The following LYG2 variants were observed in gnomAD, a reference collection of about 807,000 sequenced individuals.
LYG2 encodes the protein lysozyme g2.
In LYG2, 25 loss-of-function variants were observed where a neutral mutation model predicts 22.4. That is an observed-to-expected ratio of 1.12 (90% CI 0.81 to 1.56). The LOEUF (loss-of-function observed/expected upper bound fraction) is 1.56. Among genes scored for constraint, LYG2 ranks in the 40% most tolerant of loss-of-function variants. The pLI is 0.00. For synonymous variants in LYG2, 88 were observed against 97.0 expected, an observed-to-expected ratio of 0.91 and a Z score of 0.55; for missense variants, 266 against 269.5, an observed-to-expected ratio of 0.99 and a Z score of 0.09.
chr2:99,244,164 C>T (rs1329488004), intron 5 of LYG2, 27 bp from the exon 6 acceptor site: 2 of 1,606,794 alleles, frequency 1.2e-6, no homozygotes, highest in South Asian at 2.2e-5. Flanking sequence ...ATAAAGTCAG[C>T]ATCTGGATGA....
intron 3 of LYG2, among the ~76,000 whole-genome samples, chr2:99,252,874 G>A (rs987692446): frequency 4.6e-5 from 7 of 151,912 alleles, no homozygotes; most frequent in South Asian, 2.1e-4. Context: ...GTGAAACCCT[G>A]TCTCTACTAA....
At chr2:99,260,604 A>C (rs1275577588), upstream of LYG2, among the ~76,000 whole-genome samples, 1 of 152,196 alleles carries the variant, frequency 6.6e-6, no homozygotes, top group African/African-American at 2.4e-5. Flanking sequence ...CTGGAGAAGG[A>C]CTTGTGTCAA....
At chr2:99,253,995 A>C (rs943728664) in intron 3 of LYG2, among the ~76,000 whole-genome samples, 2 of 152,172 alleles carry the variant, frequency 1.3e-5, no homozygotes, top group Admixed American at 1.3e-4. Flanking sequence ...CAGATCAATA[A>C]ATATTAGATT....
In LYG2 at chr2:99,254,130, G is replaced by A. The variant is rs545638331; in HGVS notation, c.43+88C>T. ...ATGAGAGCCCACTCTTCCATTACAGGTAATCATTGCTCTTTCTGATTCATG... is the reference window on the plus strand; with the variant it reads ...ATGAGAGCCCACTCTTCCATTACAGATAATCATTGCTCTTTCTGATTCATG... On this transcript the variant is annotated intron_variant, in intron 3 of 6. Transcript: ENST00000333017. 5 of 1,148,060 alleles carry A rather than the reference G, an allele frequency of 4.4e-6. No individual in the cohort carries two copies. In the Admixed American group the frequency reaches 8.5e-5, roughly 19 times the overall value. The allele number at this position is 1,148,060 out of a possible 1,614,324, so 71.1% of individuals were successfully genotyped here.
intron 3 of LYG2, 56 bp downstream of exon 3, chr2:99,254,162 C>G: frequency 6.9e-7 from 1 of 1,456,210 alleles, no homozygotes; most frequent in Admixed American, 1.7e-5. Context: ...CATGATTGTG[C>G]TGGAGGTTTT....
upstream of LYG2, among the ~76,000 whole-genome samples, chr2:99,258,549 C>T (rs1283583986): frequency 6.6e-6 from 1 of 152,162 alleles, no homozygotes; most frequent in Non-Finnish European, 1.5e-5. Context: ...TGTAGCCTGC[C>T]TGGTAGGAGT....
At chr2:99,243,692 G>GGT in intron 6 of LYG2, 1 of 365,594 alleles carries the variant, frequency 2.7e-6, no homozygotes, top group Non-Finnish European at 4.7e-6. Context: ...ACCATGCCCA[G>GGT]CTTTTTTTTT....
At chr2:99,243,465 G>GA in intron 6 of LYG2, 2 of 1,548,322 alleles carry the variant, frequency 1.3e-6, no homozygotes, top group Non-Finnish European at 1.7e-6. Flanking sequence ...CTTATAACAG[G>GA]AAAAAACCTA....
intron 6 of LYG2, chr2:99,243,690 C>T (rs2094010611): frequency 1.2e-5 from 6 of 517,626 alleles, no homozygotes; most frequent in Non-Finnish European, 1.6e-5. Context: ...TCACCATGCC[C>T]AGCTTTTTTT....
Position 99,245,339 on chromosome 2 carries a change from T to C in LYG2, c.304A>G (p.Ile102Val). 6.2e-7 allele frequency: 1 copy of C among 1,613,238 alleles called. No individual in the cohort carries two copies. The highest frequency in any genetic ancestry group is 8.5e-7 in the Non-Finnish European group (1 of 1,179,566). Residue 102 changes from isoleucine (I) to valine (V), a missense_variant, in exon 5 of 7, where the codon ATC becomes GTC. Coordinates refer to ENST00000333017, the MANE Select transcript of LYG2 (RefSeq NM_175735.4). ...CVDPAVIAAI[I>V]SRESHGGSVL... The stretch of plus-strand genomic sequence containing the variant: ...GATCCGCCATGGCTTTCCCTGGAGA[T>C]GATGGCTGCGATGACAGCAGGGTCC...
At chr2:99,248,830 A>T (rs1384442790) in intron 3 of LYG2, among the ~76,000 whole-genome samples, 3 of 151,898 alleles carry the variant, frequency 2.0e-5, no homozygotes, top group Non-Finnish European at 4.4e-5. Flanking sequence ...GAAGGGCACC[A>T]TAACAATTTA....
At chr2:99,243,458 A>T in intron 6 of LYG2, 3 of 1,549,826 alleles carry the variant, frequency 1.9e-6, no homozygotes, top group Admixed American at 3.9e-5. Context: ...ACAGTTTCTT[A>T]TAACAGGAAA....
intron 3 of LYG2, among the ~76,000 whole-genome samples, chr2:99,250,397 C>T (rs1046830564): frequency 1.6e-5 from 2 of 121,850 alleles, no homozygotes; most frequent in African/African-American, 6.3e-5. Flanking sequence ...TTTTTTGAGA[C>T]AGAGTCTTGC....
intron 5 of LYG2, 69 bp downstream of exon 5, chr2:99,245,193 T>G (rs986053232): frequency 1.9e-5 from 28 of 1,458,810 alleles, no homozygotes; most frequent in Non-Finnish European, 2.5e-5. Flanking sequence ...GCAAATGGAT[T>G]TCTAGTTCAG....
At chr2:99,247,442 T>G (rs1281749200) in intron 3 of LYG2, among the ~76,000 whole-genome samples, 2 of 152,036 alleles carry the variant, frequency 1.3e-5, no homozygotes, top group African/African-American at 2.4e-5. Context: ...TGAGAGTTTT[T>G]TTTTTTTTTT....
chr2:99,246,888 A>T, intron 3 of LYG2, 68 bp from the exon 4 acceptor site: 2 of 1,490,618 alleles, frequency 1.3e-6, no homozygotes, highest in Non-Finnish European at 1.8e-6. Flanking sequence ...TGCAATAAAC[A>T]TCACTAAACC....
chr2:99,257,979 C>A (rs1010495888), upstream of LYG2, among the ~76,000 whole-genome samples: 11 of 152,156 alleles, frequency 7.2e-5, no homozygotes, highest in Non-Finnish European at 1.6e-4. Context: ...AAAGACCTGC[C>A]CTTGTGCCCT....
intron 4 of LYG2, among the ~76,000 whole-genome samples, chr2:99,246,172 T>C (rs2094015819): frequency 6.6e-6 from 1 of 152,216 alleles, no homozygotes; most frequent in African/African-American, 2.4e-5. Context: ...AGTTAGCCAA[T>C]GCATGTTTTA....
upstream of LYG2, among the ~76,000 whole-genome samples, chr2:99,255,708 G>A (rs1047448462): frequency 3.9e-5 from 6 of 152,090 alleles, no homozygotes; most frequent in Non-Finnish European, 5.9e-5. Flanking sequence ...ATCATGATAG[G>A]TGAACTTGGC....
Sources: gnomAD v4.1 joint callset for allele counts (sites outside exome capture counted in the v4.1 genomes callset) on GRCh38, gnomAD v4.1.1 for gene constraint, MANE v1.5 for transcripts, NCBI Gene and HGNC (gene_info 2026-07-23, HGNC 2026-07-21) for gene names.